Variants in UTRN observed in about 807,000 individuals in gnomAD.
The protein encoded by UTRN is utrophin.
Under a neutral mutation model 463.9 loss-of-function variants are expected in UTRN, and 283 were observed. That is an observed-to-expected ratio of 0.61 (90% CI 0.55 to 0.67). The LOEUF (loss-of-function observed/expected upper bound fraction) is 0.67. Among genes scored for constraint, UTRN ranks in the 30% least tolerant of loss-of-function variants. UTRN has a pLI of 0.00. For missense variants in UTRN, 3,922 were observed against 4,084.3 expected (o/e 0.96, Z 1.08); for synonymous variants, 1,442 against 1,431.5 (o/e 1.01, Z -0.17).
chr6:144,648,263 T>C (rs977131480), intron 51 of UTRN, among the ~76,000 whole-genome samples: 2 of 152,206 alleles, frequency 1.3e-5, no homozygotes, highest in Non-Finnish European at 2.9e-5. Context: ...ACTCATTCAT[T>C]ATTTTTCAAT....
At chr6:144,432,563 G>A (rs1395099358) in intron 9 of UTRN, among the ~76,000 whole-genome samples, 2 of 152,204 alleles carry the variant, frequency 1.3e-5, no homozygotes, top group Admixed American at 1.3e-4. Flanking sequence ...GAAGGTGAGA[G>A]TGTTGGGTGG....
At chr6:144,361,385 T>A (rs1779064071) in intron 2 of UTRN, among the ~76,000 whole-genome samples, 2 of 152,130 alleles carry the variant, frequency 1.3e-5, no homozygotes, top group Non-Finnish European at 2.9e-5. Context: ...CAGGGAAAAA[T>A]TTTAGCTTGG....
At position 144,440,385 on chromosome 6, in the gene UTRN, A is replaced by C. The variant is rs780060946; in HGVS notation, c.1426A>C (p.Lys476Gln). Residue 476 changes from lysine to glutamine, a missense_variant, in exon 13 of 75, where the codon AAA becomes CAA. This residue lies in a region of UTRN where 2,349 missense variants were observed against 2,303.8 expected (regional missense o/e 1.02). Transcript: ENST00000367545. ...AAGTGATCTTGAGGCTGAACAGGTG[A>C]AAGTAAATTCACTAACTCACATGGT... Reference protein sequence around the residue: ...LQSDLEAEQVKVNSLTHMVVI... With the variant: ...LQSDLEAEQVQVNSLTHMVVI... 1.9e-5 allele frequency: 31 copies of C among 1,614,198 alleles called. No individual in the cohort carries two copies. Among genetic ancestry groups the C allele is most frequent in the Non-Finnish European group, 2.6e-5 (31 of 1,180,034 alleles).
At chr6:144,459,413 C>T in intron 21 of UTRN, 59 bp downstream of exon 21, 1 of 1,507,658 alleles carries the variant, frequency 6.6e-7, no homozygotes, top group Non-Finnish European at 8.9e-7. Context: ...AACATGACTC[C>T]CAACATTTAG....
At chr6:144,839,093 C>T (rs1262564621) in intron 71 of UTRN, 80 bp from the exon 72 acceptor site, 113 of 1,071,608 alleles carry the variant, frequency 1.1e-4, no homozygotes, top group Middle Eastern at 2.0e-4. Flanking sequence ...ATGGTGAGGG[C>T]GGGGAAGTTA....
At chr6:144,649,020 G>A (rs774356563) in intron 51 of UTRN, among the ~76,000 whole-genome samples, 7 of 152,178 alleles carry the variant, frequency 4.6e-5, no homozygotes, top group Non-Finnish European at 1.0e-4. Context: ...ACAAGCCAAG[G>A]CAACATGTAA....
intron 25 of UTRN, among the ~76,000 whole-genome samples, chr6:144,477,533 TACACAC>T (rs10651559): frequency 4.1e-5 from 6 of 146,850 alleles, no homozygotes; most frequent in South Asian, 4.4e-4. Context: ...TTTCTCTTTA[TACACAC>T]ACACACACAC....
At position 144,436,618 on chromosome 6, in the gene UTRN, A is replaced by G. The variant is rs55642092; in HGVS notation, c.1059+480A>G. On this transcript the variant is annotated intron_variant, in intron 10 of 74. Coordinates refer to ENST00000367545, the MANE Select transcript of UTRN (RefSeq NM_007124.3). Reference sequence around the variant, plus strand: ...CAGCATAGTGAATTTCACTATATGGAGATTTCTTTTGGTTAAATTTTTCTT... The same window carrying G: ...CAGCATAGTGAATTTCACTATATGGGGATTTCTTTTGGTTAAATTTTTCTT... Among the ~76,000 whole-genome samples, 405 of 151,778 alleles carry G rather than the reference A, an allele frequency of 2.7e-3. 2 individuals carry two copies. Among genetic ancestry groups the G allele is most frequent in the Non-Finnish European group, 4.4e-3 (297 of 67,948 alleles).
chr6:144,734,133 G>A (rs944236744), intron 54 of UTRN, among the ~76,000 whole-genome samples: 62 of 151,906 alleles, frequency 4.1e-4, no homozygotes, highest in Admixed American at 3.2e-3. Context: ...TCCCCTGGCC[G>A]CCATCACCAT....
At chr6:144,772,085 G>A (rs1429313355) in intron 59 of UTRN, 117 bp downstream of exon 59, 12 of 644,410 alleles carry the variant, frequency 1.9e-5, no homozygotes, top group East Asian at 3.4e-5. Flanking sequence ...CCAGGCTGGA[G>A]TGCAGTGGCA....
intron 48 of UTRN, among the ~76,000 whole-genome samples, chr6:144,554,442 T>G (rs1799204283): frequency 6.6e-6 from 1 of 152,200 alleles, no homozygotes; most frequent in Non-Finnish European, 1.5e-5. Flanking sequence ...AGTAGATATT[T>G]TTTTGGGAGT....
At chr6:144,667,221 A>T (rs1780509251) in intron 51 of UTRN, among the ~76,000 whole-genome samples, 1 of 151,598 alleles carries the variant, frequency 6.6e-6, no homozygotes, top group South Asian at 2.1e-4. Flanking sequence ...CACCCAGCTA[A>T]TTTTTTTCTA....
chr6:144,349,373 G>A (rs941832078), intron 2 of UTRN, among the ~76,000 whole-genome samples: 1 of 152,172 alleles, frequency 6.6e-6, no homozygotes, highest in Admixed American at 6.5e-5. Context: ...CCCTGCCATC[G>A]TCAGGGTAAG....
chr6:144,452,539 A>G (rs1232669715), intron 18 of UTRN, among the ~76,000 whole-genome samples: 1 of 152,198 alleles, frequency 6.6e-6, no homozygotes, highest in Admixed American at 6.5e-5. Context: ...GTGTGTATAC[A>G]TGATTTTACT....
At chr6:144,549,491 A>G (rs1307941352) in intron 47 of UTRN, among the ~76,000 whole-genome samples, 6 of 152,234 alleles carry the variant, frequency 3.9e-5, no homozygotes, top group East Asian at 1.9e-4. Flanking sequence ...CAATTCTTTA[A>G]TAGTCTTGTG....
At chr6:144,292,765 A>C (rs1209526776) in intron 2 of UTRN, among the ~76,000 whole-genome samples, 1 of 152,314 alleles carries the variant, frequency 6.6e-6, no homozygotes, top group Admixed American at 6.5e-5. Flanking sequence ...GAGGTATAAA[A>C]TTACATCCAG....
chr6:144,777,971 C>T (rs188051896), intron 60 of UTRN, among the ~76,000 whole-genome samples: 5 of 152,164 alleles, frequency 3.3e-5, no homozygotes, highest in Admixed American at 2.6e-4. Flanking sequence ...TCCTGAAATT[C>T]CTTTCGGTTT....
chr6:144,447,909 A>T (rs1787854155), intron 16 of UTRN, 128 bp downstream of exon 16: 10 of 860,530 alleles, frequency 1.2e-5, no homozygotes, highest in African/African-American at 1.7e-5. Context: ...AAAAATTGAC[A>T]TGTGAAAATC....
At chr6:144,714,184 CT>C (rs1420381954) in intron 53 of UTRN, among the ~76,000 whole-genome samples, 1 of 152,024 alleles carries the variant, frequency 6.6e-6, no homozygotes, top group Non-Finnish European at 1.5e-5. Flanking sequence ...TTTCTGTCTC[CT>C]TTTTCATGTA....
Sources: gnomAD v4.1 joint callset for allele counts (sites outside exome capture counted in the v4.1 genomes callset) on GRCh38, gnomAD v4.1.1 for gene constraint, gnomAD v4.1.1 regional missense constraint, MANE v1.5 for transcripts, NCBI Gene and HGNC (gene_info 2026-07-23, HGNC 2026-07-21) for gene names.